Variants in MAGI1 observed in about 807,000 individuals in gnomAD.
MAGI1 encodes membrane-associated guanylate kinase, WW and PDZ domain-containing protein 1.
In MAGI1, 58 loss-of-function variants were observed where a neutral mutation model predicts 139.9. That is an observed-to-expected ratio of 0.41 (90% CI 0.34 to 0.52). MAGI1 has a LOEUF of 0.52. Among genes scored for constraint, MAGI1 ranks in the 20% least tolerant of loss-of-function variants. The pLI is 0.12. For synonymous variants in MAGI1, 812 were observed against 737.9 expected, an observed-to-expected ratio of 1.10 and a Z score of -1.63; for missense variants, 1,874 against 1,901.6, an observed-to-expected ratio of 0.99 and a Z score of 0.27.
At chr3:65,531,125 A>G (rs942546282) in intron 2 of MAGI1, among the ~76,000 whole-genome samples, 11 of 151,916 alleles carry the variant, frequency 7.2e-5, no homozygotes, top group African/African-American at 2.7e-4. Flanking sequence ...CATAAGCAAA[A>G]TCTCTTTTTT....
intron 4 of MAGI1, among the ~76,000 whole-genome samples, chr3:65,476,079 G>C (rs906012004): frequency 6.6e-6 from 1 of 151,922 alleles, no homozygotes; most frequent in Non-Finnish European, 1.5e-5. Context: ...CTGGCTGGTG[G>C]ATTCCTATTT....
At chr3:65,952,585 CG>C (rs1177818314) in intron 1 of MAGI1, among the ~76,000 whole-genome samples, 4 of 152,098 alleles carry the variant, frequency 2.6e-5, no homozygotes, top group Non-Finnish European at 5.9e-5. Context: ...GAGGCCGAGG[CG>C]GGTGGATCAC....
At chr3:65,514,198 A>C (rs1397840827) in intron 2 of MAGI1, among the ~76,000 whole-genome samples, 1 of 151,370 alleles carries the variant, frequency 6.6e-6, no homozygotes, top group Non-Finnish European at 1.5e-5. Context: ...TTAAAACCAT[A>C]AAAACCCTAG....
At chr3:65,856,771 C>T (rs894973682) in intron 1 of MAGI1, among the ~76,000 whole-genome samples, 6 of 152,186 alleles carry the variant, frequency 3.9e-5, no homozygotes, top group Admixed American at 1.3e-4. Context: ...GGTCTTAACC[C>T]TCTCTGCAAA....
chr3:65,458,151 C>G (rs1166780312), intron 5 of MAGI1, among the ~76,000 whole-genome samples: 2 of 152,038 alleles, frequency 1.3e-5, no homozygotes, highest in Non-Finnish European at 2.9e-5. Context: ...TATGGCAGAA[C>G]AGTACTTCAT....
At chr3:66,021,312 C>A (rs996599198) in intron 1 of MAGI1, among the ~76,000 whole-genome samples, 4 of 152,140 alleles carry the variant, frequency 2.6e-5, no homozygotes, top group African/African-American at 7.2e-5. Flanking sequence ...GTCTTTCCAC[C>A]GGAGTTCCCT....
chr3:65,478,667 T>C lies in MAGI1; in HGVS notation c.682A>G (p.Met228Val), dbSNP rs1428823045. 1 of 1,614,100 alleles carries C rather than the reference T, an allele frequency of 6.2e-7. No homozygotes were observed. Among genetic ancestry groups the C allele is most frequent in the Non-Finnish European group, 8.5e-7 (1 of 1,180,000 alleles). ...TPKRTKSYNDMQNAGIVHAEN... is the reference protein window; with the variant it reads ...TPKRTKSYNDVQNAGIVHAEN... ...GCGTGGACTATGCCAGCATTTTGCA[T>C]ATCATTGTAGGACTTGGTTCGCTTC... The change falls in exon 4 of 23, where the codon ATG becomes GTG. Residue 228 changes from methionine (M) to valine (V), a missense_variant. This residue lies in a region of MAGI1 where 648 missense variants were observed against 598.1 expected (regional missense o/e 1.08). Coordinates refer to ENST00000402939, the MANE Select transcript of MAGI1 (RefSeq NM_001033057.2).
intron 1 of MAGI1, among the ~76,000 whole-genome samples, chr3:65,696,492 A>G (rs921740049): frequency 4.6e-5 from 7 of 152,116 alleles, no homozygotes; most frequent in Admixed American, 2.0e-4. Flanking sequence ...AGTCCCCATT[A>G]AATATTTGTT....
intron 2 of MAGI1, among the ~76,000 whole-genome samples, chr3:65,609,112 C>T (rs941531988): frequency 1.3e-5 from 2 of 152,092 alleles, no homozygotes; most frequent in East Asian, 1.9e-4. Flanking sequence ...TAAGAGGAGA[C>T]ACAAGGGAGC....
At chr3:65,700,081 T>G (rs2089492955) in intron 1 of MAGI1, among the ~76,000 whole-genome samples, 1 of 152,022 alleles carries the variant, frequency 6.6e-6, no homozygotes, top group Non-Finnish European at 1.5e-5. Flanking sequence ...CTACATACAA[T>G]TTTGACATTT....
intron 2 of MAGI1, among the ~76,000 whole-genome samples, chr3:65,514,575 C>A (rs1260270846): frequency 1.4e-5 from 2 of 144,158 alleles, no homozygotes; most frequent in Non-Finnish European, 3.0e-5. Flanking sequence ...TCATCACTGG[C>A]CATCAGAGAA....
chr3:65,479,799 T>C (rs1486405001), intron 3 of MAGI1, among the ~76,000 whole-genome samples: 1 of 152,012 alleles, frequency 6.6e-6, no homozygotes, highest in African/African-American at 2.4e-5. Flanking sequence ...AAAGATAACA[T>C]TAAATAAATA....
intron 22 of MAGI1, chr3:65,359,143 G>A (rs1244563791): frequency 1.2e-5 from 19 of 1,613,590 alleles, no homozygotes; most frequent in Non-Finnish European, 1.4e-5. Flanking sequence ...GATATTAGGA[G>A]GTATCATCGC....
chr3:65,443,952 A>T (rs1575767109), intron 7 of MAGI1, among the ~76,000 whole-genome samples: 1 of 152,152 alleles, frequency 6.6e-6, no homozygotes, highest in East Asian at 1.9e-4. Context: ...CATATACCAC[A>T]AACAGTTCCA....
chr3:65,687,500 G>T, intron 1 of MAGI1: 1 of 382,720 alleles, frequency 2.6e-6, no homozygotes, highest in South Asian at 2.2e-5. Context: ...CCCAGCTCCT[G>T]ATTCTGCTGA....
intron 2 of MAGI1, among the ~76,000 whole-genome samples, chr3:65,578,956 A>T (rs974186831): frequency 6.6e-6 from 1 of 151,536 alleles, no homozygotes; most frequent in African/African-American, 2.4e-5. Flanking sequence ...ACAGAGAGAG[A>T]GAGAGAGAAC....
At chr3:65,488,306 A>T (rs1352793186) in intron 3 of MAGI1, among the ~76,000 whole-genome samples, 3 of 152,156 alleles carry the variant, frequency 2.0e-5, no homozygotes, top group Non-Finnish European at 4.4e-5. Context: ...AGCGCTGTGT[A>T]GTTTCTCTCA....
chr3:65,361,857 C>T (rs1559887427), intron 21 of MAGI1, among the ~76,000 whole-genome samples: 1 of 152,176 alleles, frequency 6.6e-6, no homozygotes, highest in Non-Finnish European at 1.5e-5. Context: ...AGGGACTGCC[C>T]TATAAGGCAC....
intron 3 of MAGI1, among the ~76,000 whole-genome samples, chr3:65,485,451 A>T (rs1951565390): frequency 6.6e-6 from 1 of 152,182 alleles, no homozygotes; most frequent in Admixed American, 6.5e-5. Flanking sequence ...GCCTCAGTTC[A>T]CACAGTATAA....
Sources: gnomAD v4.1 joint callset for allele counts (sites outside exome capture counted in the v4.1 genomes callset) on GRCh38, gnomAD v4.1.1 for gene constraint, gnomAD v4.1.1 regional missense constraint, MANE v1.5 for transcripts, NCBI Gene and HGNC (gene_info 2026-07-23, HGNC 2026-07-21) for gene names.